TNN: variants seen among roughly 807,000 people sequenced by gnomAD.
TNN encodes the protein tenascin-N.
TNN carries 122 observed loss-of-function variants against 134.4 expected under a neutral mutation model. The ratio of observed to expected loss-of-function variants is 0.91; its 90% CI spans 0.78 to 1.06. The LOEUF is 1.06. TNN is among the 50% of genes least tolerant of loss of function. TNN has a pLI of 0.00. For synonymous variants in TNN, 710 were observed against 670.3 expected (o/e 1.06, Z -0.91); for missense variants, 1,739 against 1,699.4 (o/e 1.02, Z -0.41).
rs147790632 is a variant in TNN at position 175,128,900 on chromosome 1, G to A, written c.3330+154G>A. Among the ~76,000 whole-genome samples, 159 of 152,234 alleles carry A rather than the reference G, an allele frequency of 1.0e-3. 4 individuals are homozygous for A. The East Asian group carries it at 0.029, about 28-fold the overall frequency. ...GGTGGCTTGTAGCTGTTTTTAGAGA[G>A]ATCCCAATGTTACAGGAAAGGGGTC... On this transcript the variant is annotated intron_variant, in intron 15 of 18. Coordinates refer to ENST00000239462, the MANE Select transcript of TNN (RefSeq NM_022093.2).
chr1:175,077,585 T>A lies in TNN; in HGVS notation c.167T>A (p.Val56Asp), dbSNP rs1446048185. Residue 56 changes from valine to aspartate, a missense_variant, in exon 2 of 19, where the codon GTT becomes GAT. Coordinates refer to ENST00000239462, the MANE Select transcript of TNN (RefSeq NM_022093.2). The stretch of plus-strand genomic sequence containing the variant: ...ATCGATGTGCCCAAGTCTGCCTTGG[T>A]TCAGGTTGACGCTGACCCTCAGCCC... The part of the protein sequence containing the change: ...YKIDVPKSAL[V>D]QVDADPQPLS... 6.2e-7 allele frequency: 1 copy of A among 1,614,076 alleles called. No homozygotes were observed. The highest frequency in any genetic ancestry group is 8.5e-7 in the Non-Finnish European group (1 of 1,180,040).
chr1:175,146,936 G>C lies in TNN; in HGVS notation c.3765G>C (p.Val1255=). ...RYGETKHSEG[V]NWEPWKGHEF... is the part of the protein sequence containing the mutation. ...TTTTTTTTTTTTTTTGGTAGGGGGT[G>C]AACTGGGAGCCTTGGAAAGGACATG... The change falls in exon 19 of 19, where the codon GTG becomes GTC. Residue 1255 remains valine (V), a synonymous_variant. Coordinates refer to ENST00000239462, the MANE Select transcript of TNN (RefSeq NM_022093.2). 1 of 1,502,260 alleles carries C rather than the reference G, an allele frequency of 6.7e-7. No individual in the cohort carries two copies. The highest frequency in any genetic ancestry group is 1.3e-5 in the South Asian group (1 of 75,546). The allele number at this position is 1,502,260 out of a possible 1,614,324, so 93.1% of individuals were successfully genotyped here. A position where few individuals can be genotyped will look rare whatever the true frequency, so the allele number is the denominator to read the frequency against.
At chr1:175,086,181 T>C (rs369832928) in intron 6 of TNN, among the ~76,000 whole-genome samples, 1 of 152,306 alleles carries the variant, frequency 6.6e-6, no homozygotes, top group South Asian at 2.1e-4. Flanking sequence ...TTGCCACACC[T>C]GTGTTTTTTC....
intron 9 of TNN, among the ~76,000 whole-genome samples, chr1:175,103,498 A>G (rs920403001): frequency 6.9e-5 from 10 of 145,834 alleles, no homozygotes; most frequent in African/African-American, 2.5e-4. Flanking sequence ...TTGAAGATCC[A>G]CATAAGTAGA....
At position 175,123,628 on chromosome 1, in the gene TNN, A is replaced by G. The variant is rs1675437810; in HGVS notation, c.2879A>G (p.Gln960Arg). 6.2e-7 allele frequency: 1 copy of G among 1,614,102 alleles called. No homozygotes were observed. The highest frequency in any genetic ancestry group is 1.1e-5 in the South Asian group (1 of 91,088). ...MVHVWAQKGA[Q>R]ESKKADTKAQ... ...CACGTGTGGGCCCAGAAGGGGGCCC[A>G]GGAGAGCAAGAAGGCTGACACCAAG... is the stretch of plus-strand genomic sequence containing the variant. The change falls in exon 12 of 19, where the codon CAG becomes CGG. Residue 960 changes from glutamine to arginine, a missense_variant. Transcript: ENST00000239462.
At chr1:175,095,850 C>T (rs1558355302) in intron 7 of TNN, among the ~76,000 whole-genome samples, 1 of 152,226 alleles carries the variant, frequency 6.6e-6, no homozygotes, top group Non-Finnish European at 1.5e-5. Flanking sequence ...CTGGGAAATA[C>T]AGGCGTGAGC....
At chr1:175,138,852 G>A (rs1359263925) in intron 17 of TNN, among the ~76,000 whole-genome samples, 1 of 152,218 alleles carries the variant, frequency 6.6e-6, no homozygotes, top group Non-Finnish European at 1.5e-5. Flanking sequence ...GCCTGCTATA[G>A]ACCAAGGTAT....
In TNN at chr1:175,136,913, A is replaced by G. The variant is rs1004352683; in HGVS notation, c.3520A>G (p.Ile1174Val). Residue 1174 changes from isoleucine to valine, a missense_variant, in exon 17 of 19, where the codon ATA becomes GTA. Transcript: ENST00000239462. ...LQTANESAYA[I>V]YDFFQVASSK... ...GACTGCCAATGAATCTGCCTATGCTATATATGATTTCTTCCAAGTGGCCTC... is the reference window on the plus strand; with the variant it reads ...GACTGCCAATGAATCTGCCTATGCTGTATATGATTTCTTCCAAGTGGCCTC... The G allele has an allele frequency of 3.1e-6, 5 of 1,614,174 alleles. No homozygotes were observed. The East Asian group carries it at 6.7e-5, about 22-fold the overall frequency.
In TNN at chr1:175,085,411, A is replaced by T; in HGVS notation, c.1241A>T (p.His414Leu). The T allele has an allele frequency of 6.2e-7, 1 of 1,609,526 alleles. No homozygotes were observed. The highest frequency in any genetic ancestry group is 8.5e-7 in the Non-Finnish European group (1 of 1,176,550). ...GCTGCCTGCTTGTTTCCAGGTCTGCACCCGGGGACTGAGTATAAGATCACG... is the reference window on the plus strand; with the variant it reads ...GCTGCCTGCTTGTTTCCAGGTCTGCTCCCGGGGACTGAGTATAAGATCACG... ...PKSRYDITGL[H>L]PGTEYKITVV... The change falls in exon 6 of 19, where the codon CAC becomes CTC. Residue 414 changes from histidine (H) to leucine (L), a missense_variant. Coordinates refer to ENST00000239462, the MANE Select transcript of TNN (RefSeq NM_022093.2).
intron 1 of TNN, among the ~76,000 whole-genome samples, chr1:175,071,518 C>A (rs1456485730): frequency 6.6e-6 from 1 of 152,210 alleles, no homozygotes; most frequent in Non-Finnish European, 1.5e-5. Flanking sequence ...CAATTCATGT[C>A]CCCAGTGGAT....
At chr1:175,142,659 C>A (rs1389709096) in intron 17 of TNN, among the ~76,000 whole-genome samples, 1 of 151,942 alleles carries the variant, frequency 6.6e-6, no homozygotes, top group Non-Finnish European at 1.5e-5. Context: ...ACTCTGTCAC[C>A]CAGGCTGGAG....
At chr1:175,074,484 G>GAAAAAAAAAAAAAAAAAAAAAAAAA (rs55952749) in intron 1 of TNN, among the ~76,000 whole-genome samples, 1 of 119,020 alleles carries the variant, frequency 8.4e-6, no homozygotes, top group Non-Finnish European at 1.8e-5. Flanking sequence ...GATCCTGTCT[G>GAAAAAAAAAAAAAAAAAAAAAAAAA]AAAAAAAAAA....
chr1:175,099,702 G>T (rs1165779947), intron 9 of TNN, among the ~76,000 whole-genome samples: 2 of 152,094 alleles, frequency 1.3e-5, no homozygotes, highest in African/African-American at 4.8e-5. Flanking sequence ...GAGCCCAGGG[G>T]TTAGGGAGGA....
rs755726826 is a variant in TNN at position 175,083,895 on chromosome 1, G to T, written c.1194G>T (p.Val398=). The change falls in exon 5 of 19, where the codon GTG becomes GTT. Residue 398 remains valine (V), a synonymous_variant. Coordinates refer to ENST00000239462, the MANE Select transcript of TNN (RefSeq NM_022093.2). ...MTGQEVAEVT[V]PKSSDPKSRY... Reference sequence around the variant, plus strand: ...GACAGGAGGTAGCTGAGGTCACTGTGCCCAAGAGCAGTGACCCCAAGAGCC... The same window carrying T: ...GACAGGAGGTAGCTGAGGTCACTGTTCCCAAGAGCAGTGACCCCAAGAGCC... The T allele has an allele frequency of 1.2e-6, 2 of 1,614,152 alleles. No homozygotes were observed. The highest frequency in any genetic ancestry group is 1.3e-5 in the African/African-American group (1 of 75,050).
intron 11 of TNN, among the ~76,000 whole-genome samples, chr1:175,119,918 A>G (rs961798838): frequency 2.3e-4 from 35 of 152,316 alleles, no homozygotes; most frequent in African/African-American, 7.2e-4. Context: ...GATTACAGGC[A>G]TGAGCCACTG....
At chr1:175,134,617 C>A (rs534624157) in intron 15 of TNN, among the ~76,000 whole-genome samples, 1 of 152,222 alleles carries the variant, frequency 6.6e-6, no homozygotes, top group African/African-American at 2.4e-5. Flanking sequence ...CTCTCTGAAT[C>A]CCCCATCTCA....
intron 18 of TNN, among the ~76,000 whole-genome samples, chr1:175,146,052 A>T (rs902918468): frequency 6.6e-6 from 1 of 152,148 alleles, no homozygotes; most frequent in Non-Finnish European, 1.5e-5. Context: ...CATTTTGATT[A>T]CTTTGGCCCT....
chr1:175,070,488 G>A (rs1158629270), intron 1 of TNN, among the ~76,000 whole-genome samples: 1 of 152,114 alleles, frequency 6.6e-6, no homozygotes, highest in African/African-American at 2.4e-5. Context: ...TCATCTCCAA[G>A]GACTTCCTGG....
intron 17 of TNN, among the ~76,000 whole-genome samples, chr1:175,141,751 G>A (rs1675949321): frequency 6.6e-6 from 1 of 152,138 alleles, no homozygotes; most frequent in African/African-American, 2.4e-5. Flanking sequence ...TGATGAGATG[G>A]ATGGTGACCA....
Sources: allele counts gnomAD v4.1 joint callset (sites outside exome capture counted in the v4.1 genomes callset), GRCh38; gene constraint gnomAD v4.1.1; transcripts MANE v1.5; gene names NCBI Gene and HGNC (gene_info 2026-07-23, HGNC 2026-07-21).